The following IL16 variants were observed in gnomAD, a reference collection of about 807,000 sequenced individuals.
IL16 encodes the protein interleukin 16, also known as pro-interleukin-16.
A neutral mutation model predicts 110.1 loss-of-function variants in IL16; 67 were observed. That is an observed-to-expected ratio of 0.61 (90% CI 0.50 to 0.75). IL16 has a LOEUF of 0.75. IL16 is among the 30% of genes least tolerant of loss of function. IL16 has a pLI of 0.00. For synonymous variants in IL16, 689 were observed against 662.9 expected (o/e 1.04, Z -0.61); for missense variants, 1,545 against 1,655.0 (o/e 0.93, Z 1.15).
intron 2 of IL16, among the ~76,000 whole-genome samples, chr15:81,255,469 A>G (rs1015735735): frequency 4.6e-5 from 7 of 152,254 alleles, no homozygotes. Context: ...ACCTTCTGTC[A>G]TCTGTGTCTG....
chr15:81,238,915 G>T (rs1287730301), intron 2 of IL16, among the ~76,000 whole-genome samples: 1 of 148,980 alleles, frequency 6.7e-6, no homozygotes. Context: ...TGGTTGACAT[G>T]AATTTCTTTA....
intron 9 of IL16, among the ~76,000 whole-genome samples, chr15:81,283,697 G>T (rs1178341782): frequency 6.6e-6 from 1 of 152,146 alleles, no homozygotes; most frequent in Non-Finnish European, 1.5e-5. Context: ...ATATGGAAAT[G>T]GTGGCTTAAT....
rs774424203 is a variant in IL16 at position 81,292,949 on chromosome 15, T to G, written c.1814T>G (p.Phe605Cys). Residue 605 changes from phenylalanine (F) to cysteine (C), a missense_variant, in exon 12 of 19, where the codon TTT (phenylalanine) becomes TGT (cysteine). Phe to Cys is a radical substitution (Grantham distance 205, BLOSUM62 -2). Coordinates refer to ENST00000683961, the MANE Select transcript of IL16 (RefSeq NM_172217.5). ...SKPKPPPRKY[F>C]KSDSDPQKSL... is the part of the protein sequence containing the mutation. ...CCCAAGCCTCCACCCAGAAAATACT[T>G]TAAAAGTGACAGTGACCCTCAGAAG... is the stretch of plus-strand genomic sequence containing the variant. 7 of 1,614,054 alleles carry G rather than the reference T, an allele frequency of 4.3e-6. No homozygotes were observed. In the South Asian group the frequency reaches 7.7e-5, roughly 18 times the overall value.
At chr15:81,253,050 A>G (rs1194754398) in intron 2 of IL16, among the ~76,000 whole-genome samples, 6 of 152,236 alleles carry the variant, frequency 3.9e-5, no homozygotes, top group South Asian at 2.1e-4. Flanking sequence ...AAAAACTGAC[A>G]CTGTTTTCCA....
intron 1 of IL16, among the ~76,000 whole-genome samples, chr15:81,202,660 T>A (rs1461739674): frequency 6.6e-6 from 1 of 152,190 alleles, no homozygotes; most frequent in Non-Finnish European, 1.5e-5. Context: ...GAACTCATCA[T>A]TTTTTATGGC....
At chr15:81,295,050 A>C (rs1567041879) in intron 12 of IL16, among the ~76,000 whole-genome samples, 1 of 152,198 alleles carries the variant, frequency 6.6e-6, no homozygotes, top group Non-Finnish European at 1.5e-5. Flanking sequence ...GAACTTTGGG[A>C]TATTTTCTTC....
At chr15:81,280,089 T>G (rs576902589) in intron 8 of IL16, among the ~76,000 whole-genome samples, 6 of 152,288 alleles carry the variant, frequency 3.9e-5, no homozygotes, top group Non-Finnish European at 7.4e-5. Flanking sequence ...GCAGTAAATA[T>G]GCTAAGACGC....
At chr15:81,280,438 G>A (rs917309682) in intron 8 of IL16, among the ~76,000 whole-genome samples, 1 of 152,218 alleles carries the variant, frequency 6.6e-6, no homozygotes, top group Non-Finnish European at 1.5e-5. Flanking sequence ...TTTGCAGCTC[G>A]ATTCTCTTCT....
rs187804839 is a variant in IL16, at chr15:81,189,887, A to G, written c.40+6991A>G. 2.3e-3 allele frequency among the ~76,000 whole-genome samples: 348 copies of G among 152,348 alleles called. 3 individuals are homozygous for G. The highest frequency in any genetic ancestry group is 4.1e-3 in the Non-Finnish European group (277 of 68,026). On this transcript the variant is annotated intron_variant, in intron 1 of 18. Transcript: ENST00000302987. ...AAGAGAAGAAAGTAGGGATTTCTTA[A>G]TCTTTAAAAATGTTGCTTTCTGATG... is the stretch of plus-strand genomic sequence containing the variant.
intron 2 of IL16, among the ~76,000 whole-genome samples, chr15:81,246,970 T>C (rs1158492241): frequency 6.6e-6 from 1 of 151,984 alleles, no homozygotes; most frequent in African/African-American, 2.4e-5. Context: ...ATTTATGCTA[T>C]ACAGTTATTT....
intron 1 of IL16, among the ~76,000 whole-genome samples, chr15:81,208,574 C>T (rs919265235): frequency 1.3e-5 from 2 of 152,194 alleles, no homozygotes; most frequent in African/African-American, 4.8e-5. Flanking sequence ...AAGTGATCTG[C>T]CCACCTTGGC....
rs903706118 is a variant in IL16 at position 81,204,053 on chromosome 15, G to A, written c.-102+6901G>A. On this transcript the variant is annotated intron_variant, in intron 1 of 18. Coordinates refer to ENST00000683961, the MANE Select transcript of IL16 (RefSeq NM_172217.5). ...GGTCCTTCACATCCCTTGTAAGTTGGATTCCTAGGTATTTTATTCTCTTTG... is the reference window on the plus strand; with the variant it reads ...GGTCCTTCACATCCCTTGTAAGTTGAATTCCTAGGTATTTTATTCTCTTTG... 5.9e-4 allele frequency among the ~76,000 whole-genome samples: 89 copies of A among 151,274 alleles called. No homozygotes were observed. The Middle Eastern group carries it at 0.017, about 29-fold the overall frequency.
At chr15:81,305,599 C>T (rs1371076231) in intron 16 of IL16, 2 of 332,048 alleles carry the variant, frequency 6.0e-6, no homozygotes, top group East Asian at 5.8e-5. Flanking sequence ...GACTTCTGAC[C>T]TAGGGCAGGT....
In IL16 at chr15:81,213,744, A is replaced by C. The variant is rs1013886975; in HGVS notation, c.-101-11555A>C. Among the ~76,000 whole-genome samples the C allele has an allele frequency of 4.6e-4, 70 of 152,092 alleles. 1 individual carries two copies. The highest frequency in any genetic ancestry group is 1.5e-3 in the African/African-American group (63 of 41,410). ...CCATTTGCATAGTATATCTTTCTCT[A>C]TCCCTTTATTTTAAGTCTATGGGAG... On this transcript the variant is annotated intron_variant, in intron 1 of 18. Coordinates refer to ENST00000683961, the MANE Select transcript of IL16 (RefSeq NM_172217.5).
chr15:81,288,654 C>T (rs1360646485), intron 10 of IL16, among the ~76,000 whole-genome samples: 1 of 152,164 alleles, frequency 6.6e-6, no homozygotes, highest in Admixed American at 6.5e-5. Context: ...CACCATTTTA[C>T]TTTCTGTCTC....
intron 8 of IL16, among the ~76,000 whole-genome samples, chr15:81,281,734 C>G (rs1239033425): frequency 6.6e-6 from 1 of 152,236 alleles, no homozygotes; most frequent in Non-Finnish European, 1.5e-5. Flanking sequence ...TCAAGCCAAA[C>G]AGATCTCCAA....
At position 81,306,166 on chromosome 15, in the gene IL16, A is replaced by G. The variant is rs1343821827; in HGVS notation, c.3679A>G (p.Thr1227Ala). ...AGCCAGTGATGTTTCTGTAGAATCT[A>G]GTAAGTTCTCCCAACTCAGTGGAAG... is the stretch of plus-strand genomic sequence containing the variant. ...SAASDVSVESTAEATVCTVTL... is the reference protein window; with the variant it reads ...SAASDVSVESAAEATVCTVTL... The change falls in exon 17 of 19, where the codon ACA becomes GCA. Residue 1227 changes from threonine (T) to alanine (A), a missense_variant and splice_region_variant. This residue lies in a region of IL16 where 356 missense variants were observed against 399.3 expected (regional missense o/e 0.89). Coordinates refer to ENST00000683961, the MANE Select transcript of IL16 (RefSeq NM_172217.5). The G allele has an allele frequency of 6.2e-7, 1 of 1,613,030 alleles. No homozygotes were observed. The highest frequency in any genetic ancestry group is 8.5e-7 in the Non-Finnish European group (1 of 1,179,466).
In IL16 at chr15:81,265,647, C is replaced by T. The variant is rs1898342726; in HGVS notation, c.422-12C>T. 1 of 1,612,004 alleles carries T rather than the reference C, an allele frequency of 6.2e-7. No homozygotes were observed. Among genetic ancestry groups the T allele is most frequent in the Non-Finnish European group, 8.5e-7 (1 of 1,179,308 alleles). On this transcript the variant is annotated splice_polypyrimidine_tract_variant and intron_variant, in intron 3 of 18. Transcript: ENST00000683961. ...CAAATGATTTCTTGCTGTTTTTCCT[C>T]TTCTGGTTTAGGTGTTAATCCCTAT...
intron 1 of IL16, chr15:81,182,931 CAG>C (rs1566985482): frequency 7.9e-7 from 1 of 1,272,172 alleles, no homozygotes; most frequent in East Asian, 5.6e-5. Context: ...CCAGGGGACT[CAG>C]GGGAGGTTGG....
Sources: allele counts gnomAD v4.1 joint callset (sites outside exome capture counted in the v4.1 genomes callset), GRCh38; gene constraint gnomAD v4.1.1; regional missense constraint gnomAD v4.1.1; transcripts MANE v1.5; gene names NCBI Gene and HGNC (gene_info 2026-07-23, HGNC 2026-07-21).